Variants in ARFGAP3 observed in about 807,000 individuals in gnomAD.
The protein encoded by ARFGAP3 is ARF GTPase activating protein 3.
Under a neutral mutation model 75.0 loss-of-function variants are expected in ARFGAP3, and 72 were observed. That is an observed-to-expected ratio of 0.96 (90% CI 0.79 to 1.17). ARFGAP3 has a LOEUF of 1.17. ARFGAP3 is among the 50% of genes most tolerant of loss of function. The pLI is 0.00. For synonymous variants in ARFGAP3, 221 were observed against 217.9 expected (o/e 1.01, Z -0.13); for missense variants, 620 against 626.6 (o/e 0.99, Z 0.11).
At position 42,822,413 on chromosome 22, in the gene ARFGAP3, G is replaced by C; in HGVS notation, c.673-4C>G. 3 of 1,613,604 alleles carry C rather than the reference G, an allele frequency of 1.9e-6. No individual in the cohort carries two copies. Among genetic ancestry groups the C allele is most frequent in the East Asian group, 2.2e-5 (1 of 44,888 alleles). ...AACTTCCTTTTTTGGCCCCAAGCTA[G>C]AACATATATAAGACTATAGTCTACA... is the stretch of plus-strand genomic sequence containing the variant. On this transcript the variant is annotated splice_polypyrimidine_tract_variant and splice_region_variant and intron_variant, in intron 8 of 15. Transcript: ENST00000263245.
intron 7 of ARFGAP3, among the ~76,000 whole-genome samples, chr22:42,824,774 C>T (rs771250583): frequency 1.3e-5 from 2 of 152,160 alleles, no homozygotes; most frequent in Non-Finnish European, 2.9e-5. Context: ...TTGGGCTTCT[C>T]TTGATCCCAT....
At chr22:42,820,075 ACTCCATCCAGCTTACCTGCAGCTT>A (rs1209714522) in intron 9 of ARFGAP3, among the ~76,000 whole-genome samples, 2 of 151,688 alleles carry the variant, frequency 1.3e-5, no homozygotes, top group East Asian at 1.9e-4. Context: ...ACCAGACTTC[ACTCCATCCAGCTTACCTGCAGCTT>A]CTCCATCCAG....
At chr22:42,841,047 T>C in intron 2 of ARFGAP3, 31 bp from the exon 3 acceptor site, 1 of 1,604,166 alleles carries the variant, frequency 6.2e-7, no homozygotes, top group Non-Finnish European at 8.5e-7. Flanking sequence ...TAACTGTTAA[T>C]ATTTTTTATC....
intron 14 of ARFGAP3, among the ~76,000 whole-genome samples, chr22:42,806,168 G>A (rs1925112777): frequency 6.6e-6 from 1 of 152,170 alleles, no homozygotes; most frequent in African/African-American, 2.4e-5. Flanking sequence ...CCTGGCTCCT[G>A]AGAGTCATCC....
At chr22:42,830,649 C>T (rs948582563) in intron 6 of ARFGAP3, among the ~76,000 whole-genome samples, 1 of 152,184 alleles carries the variant, frequency 6.6e-6, no homozygotes, top group Admixed American at 6.5e-5. Context: ...ACTCATGTCA[C>T]AAGTGATTTT....
At position 42,802,726 on chromosome 22, in the gene ARFGAP3, C is replaced by T. The variant is rs559040784; in HGVS notation, c.1412-3566G>A. On this transcript the variant is annotated intron_variant, in intron 14 of 15. Transcript: ENST00000263245. ...ACGCCATTCTCCTGCCTCAGCCTCC[C>T]GAGTTGCTGGGACTACAGGCGCCCA... is the stretch of plus-strand genomic sequence containing the variant. Among the ~76,000 whole-genome samples, 28 of 150,506 alleles carry T rather than the reference C, an allele frequency of 1.9e-4. No homozygotes were observed. In the East Asian group the frequency reaches 4.4e-3, roughly 23 times the overall value.
chr22:42,806,022 C>T (rs148736576), intron 14 of ARFGAP3, among the ~76,000 whole-genome samples: 139 of 152,354 alleles, frequency 9.1e-4, no homozygotes, highest in Middle Eastern at 6.8e-3. Context: ...AGACCTCTCT[C>T]GAGCTGTTTC....
intron 14 of ARFGAP3, among the ~76,000 whole-genome samples, chr22:42,799,665 A>T (rs5758949): frequency 0.46 from 69,911 of 152,066 alleles, 16,660 homozygotes; most frequent in African/African-American, 0.51. Flanking sequence ...GAGCCTTCCC[A>T]GGGATTCATG....
At chr22:42,813,376 G>A (rs1056513959) in intron 11 of ARFGAP3, among the ~76,000 whole-genome samples, 1 of 152,184 alleles carries the variant, frequency 6.6e-6, no homozygotes, top group Admixed American at 6.5e-5. Context: ...AGTGGGAAGA[G>A]GGGGGTCAGC....
rs144361548 is a variant in ARFGAP3, at chr22:42,817,843, C to A, written c.827G>T (p.Arg276Leu). Residue 276 changes from arginine (R) to leucine (L), a missense_variant, in exon 10 of 16, where the codon CGA becomes CTA. Transcript: ENST00000263245. ...SKEESIVSSL[R>L]LAYKDLEIQM... ...AATTTCAAGATCCTTATAGGCTAAT[C>A]GTAATGATGAAACACTGCCAGAAAA... 28 of 1,606,472 alleles carry A rather than the reference C, an allele frequency of 1.7e-5. No individual in the cohort carries two copies. The highest frequency in any genetic ancestry group is 2.7e-5 in the African/African-American group (2 of 74,540).
chr22:42,850,035 G>T (rs770118464), intron 1 of ARFGAP3, among the ~76,000 whole-genome samples: 1 of 152,088 alleles, frequency 6.6e-6, no homozygotes, highest in Admixed American at 6.5e-5. Flanking sequence ...CTTTAAAAAC[G>T]TATTGCCAGC....
At chr22:42,841,143 G>A in intron 2 of ARFGAP3, 127 bp from the exon 3 acceptor site, 1 of 1,458,614 alleles carries the variant, frequency 6.9e-7, no homozygotes, top group Non-Finnish European at 9.0e-7. Flanking sequence ...TGTCAACAAG[G>A]ACCCACACTT....
At position 42,826,946 on chromosome 22, in the gene ARFGAP3, T is replaced by C. The variant is rs1926066105; in HGVS notation, c.619A>G (p.Thr207Ala). Residue 207 changes from threonine to alanine, a missense_variant, in exon 7 of 16, where the codon ACT becomes GCT. Transcript: ENST00000263245. ...AGGATTTTAAGCATATTACCTAAAG[T>C]AGCCTTTGTTGGTACATTAAGACCT... ...VEGLNVPTKA[T>A]LEVSSIIKKK... The C allele has an allele frequency of 6.2e-7, 1 of 1,613,134 alleles. No individual in the cohort carries two copies. Among genetic ancestry groups the C allele is most frequent in the Non-Finnish European group, 8.5e-7 (1 of 1,179,646 alleles).
chr22:42,850,776 G>A (rs1927245185), intron 1 of ARFGAP3, among the ~76,000 whole-genome samples: 2 of 152,186 alleles, frequency 1.3e-5, no homozygotes, highest in East Asian at 1.9e-4. Flanking sequence ...CTGAATAATC[G>A]GGGTGGAGTG....
At chr22:42,801,638 T>C (rs1298912513) in intron 14 of ARFGAP3, among the ~76,000 whole-genome samples, 3 of 151,922 alleles carry the variant, frequency 2.0e-5, no homozygotes, top group African/African-American at 7.3e-5. Context: ...GGAGGCGTGT[T>C]CCAGCCTATG....
intron 11 of ARFGAP3, among the ~76,000 whole-genome samples, chr22:42,815,680 T>C (rs1000431762): frequency 2.6e-5 from 4 of 152,140 alleles, no homozygotes; most frequent in Non-Finnish European, 5.9e-5. Flanking sequence ...GCCAGACAAC[T>C]CTAATGCCCT....
chr22:42,835,980 C>CT lies in ARFGAP3; in HGVS notation c.262-488dup, dbSNP rs545758118. Among the ~76,000 whole-genome samples the CT allele has an allele frequency of 5.7e-3, 599 of 105,668 alleles. 7 individuals are homozygous for CT. The highest frequency in any genetic ancestry group is 0.015 in the South Asian group (48 of 3,210). 69.3% of individuals were successfully genotyped at this position (105,668 alleles called of 152,430 possible). On this transcript the variant is annotated intron_variant, in intron 3 of 15. Coordinates refer to ENST00000263245, the MANE Select transcript of ARFGAP3 (RefSeq NM_014570.5). ...TAATTCACGAGCAATCCATTTCTTT[C>CT]TTTTTTTTTTTTTTTTTTTTTTGAG...
chr22:42,822,502 A>T (rs1262793201), intron 8 of ARFGAP3, 93 bp from the exon 9 acceptor site: 3 of 1,467,706 alleles, frequency 2.0e-6, no homozygotes, highest in Non-Finnish European at 2.8e-6. Flanking sequence ...CCTGCCAGGC[A>T]CTGTGACAAG....
rs1007497910 is a variant in ARFGAP3, at chr22:42,825,678, C to G, written c.625+1262G>C. 2.6e-3 allele frequency among the ~76,000 whole-genome samples: 362 copies of G among 141,742 alleles called. 1 individual carries two copies. Among genetic ancestry groups the G allele is most frequent in the African/African-American group, 9.3e-3 (350 of 37,588 alleles). 93.0% of individuals were successfully genotyped at this position (141,742 alleles called of 152,430 possible). On this transcript the variant is annotated intron_variant, in intron 7 of 15. Coordinates refer to ENST00000263245, the MANE Select transcript of ARFGAP3 (RefSeq NM_014570.5). ...CCAGCCTGGGTGACAGAGTGAGACTCTGTCTCCAAAAAAAAAAAAAAAAGA... is the reference window on the plus strand; with the variant it reads ...CCAGCCTGGGTGACAGAGTGAGACTGTGTCTCCAAAAAAAAAAAAAAAAGA...
Sources: gnomAD v4.1 joint callset for allele counts (sites outside exome capture counted in the v4.1 genomes callset) on GRCh38, gnomAD v4.1.1 for gene constraint, MANE v1.5 for transcripts, NCBI Gene and HGNC (gene_info 2026-07-23, HGNC 2026-07-21) for gene names.